The following TRNT1 variants were observed in gnomAD, a reference collection of about 807,000 sequenced individuals.
TRNT1 encodes CCA tRNA nucleotidyltransferase 1, mitochondrial.
Under a neutral mutation model 45.6 loss-of-function variants are expected in TRNT1, and 44 were observed. The observed-to-expected ratio is 0.97, with a 90% CI of 0.76 to 1.24. The LOEUF is 1.24. TRNT1 is among the 50% of genes most tolerant of loss of function. The pLI is 0.00. For synonymous variants in TRNT1, 201 were observed against 171.4 expected (o/e 1.17, Z -1.35); for missense variants, 633 against 504.4 (o/e 1.25, Z -2.44).
At chr3:3,152,686 G>A, downstream of TRNT1, 1 of 1,394,826 alleles carries the variant, frequency 7.2e-7, no homozygotes, top group Non-Finnish European at 1.0e-6. Flanking sequence ...AATGAGGTAT[G>A]AGCTATACAG....
chr3:3,131,842 AC>A (rs1400793655), intron 2 of TRNT1: 1 of 23,470 alleles, frequency 4.3e-5, no homozygotes, highest in African/African-American at 8.5e-5. Flanking sequence ...CAAGAAAAAA[AC>A]AAACAACCCC....
intron 2 of TRNT1, chr3:3,130,379 A>T (rs951150623): frequency 1.2e-5 from 2 of 168,806 alleles, no homozygotes; most frequent in African/African-American, 4.8e-5. Context: ...CTCACCTTGT[A>T]TTAGCTTATT....
downstream of TRNT1, chr3:3,150,656 T>G: frequency 2.0e-6 from 1 of 511,078 alleles, no homozygotes; most frequent in Non-Finnish European, 3.5e-6. Context: ...TTTCTGGTAT[T>G]CTAGACTGCC....
chr3:3,134,915 G>A (rs1042456430), intron 2 of TRNT1, among the ~76,000 whole-genome samples: 2 of 152,020 alleles, frequency 1.3e-5, no homozygotes, highest in Non-Finnish European at 2.9e-5. Context: ...TTCAGGTGAG[G>A]CTTCCTAAAG....
intron 2 of TRNT1, chr3:3,129,807 G>A (rs1575037058): frequency 1.4e-6 from 2 of 1,447,894 alleles, no homozygotes; most frequent in East Asian, 2.5e-5. Flanking sequence ...TTAGGCATGT[G>A]AAGTGCTTTG....
chr3:3,147,897 G>T lies in TRNT1; in HGVS notation c.1057-9G>T. ...GTGACGAAACTAAATGTTTGATTTT[G>T]ACACGTAGTCTAGGGAACCTGATGC... On this transcript the variant is annotated splice_polypyrimidine_tract_variant and intron_variant, in intron 7 of 7. Transcript: ENST00000251607. 2 of 1,601,358 alleles carry T rather than the reference G, an allele frequency of 1.2e-6. No homozygotes were observed. Among genetic ancestry groups the T allele is most frequent in the South Asian group, 2.3e-5 (2 of 88,598 alleles).
At position 3,147,473 on chromosome 3, in the gene TRNT1, G is replaced by C. The variant is rs766270526; in HGVS notation, c.826G>C (p.Glu276Gln). ...AGGTTTACCTGCTAATGCAAGTTTA[G>C]AAGAATTTGACAAAGTCAGTAAAAA... ...YIGLPANASL[E>Q]EFDKVSKNVD... is the part of the protein sequence containing the mutation. Residue 276 changes from glutamate to glutamine, a missense_variant, in exon 7 of 8, where the codon GAA (glutamate) becomes CAA (glutamine). Glu to Gln is a conservative substitution (Grantham distance 29, BLOSUM62 2). Coordinates refer to ENST00000251607, the MANE Select transcript of TRNT1 (RefSeq NM_182916.3). 6.2e-6 allele frequency: 10 copies of C among 1,613,600 alleles called. No individual in the cohort carries two copies. The highest frequency in any genetic ancestry group is 8.5e-6 in the Non-Finnish European group (10 of 1,179,668).
downstream of TRNT1, chr3:3,150,841 T>TA (rs3830315): frequency 6.7e-7 from 1 of 1,491,232 alleles, no homozygotes; most frequent in South Asian, 1.1e-5. Flanking sequence ...ATTTGTTAGA[T>TA]AACTTTATCT....
At chr3:3,142,899 G>A (rs530392566) in intron 4 of TRNT1, among the ~76,000 whole-genome samples, 8 of 152,108 alleles carry the variant, frequency 5.3e-5, no homozygotes, top group African/African-American at 1.9e-4. Context: ...TGGAGCCTTC[G>A]AAATTTGCCA....
chr3:3,133,488 C>G (rs1446444707), intron 2 of TRNT1, among the ~76,000 whole-genome samples: 1 of 151,598 alleles, frequency 6.6e-6, no homozygotes, highest in Non-Finnish European at 1.5e-5. Context: ...AACTTGGGGT[C>G]AGGGCTGCAG....
chr3:3,152,734 A>C, downstream of TRNT1: 1 of 1,001,212 alleles, frequency 1.0e-6, no homozygotes, highest in Non-Finnish European at 1.5e-6. Context: ...CCAGGATCTT[A>C]GTATGAAAAT....
intron 5 of TRNT1, among the ~76,000 whole-genome samples, chr3:3,146,174 A>G (rs1706006533): frequency 6.6e-6 from 1 of 150,818 alleles, no homozygotes; most frequent in Non-Finnish European, 1.5e-5. Flanking sequence ...TGAGGTGGAG[A>G]CCTTGAAGTT....
downstream of TRNT1, chr3:3,150,728 C>A (rs1706471220): frequency 2.3e-6 from 2 of 862,196 alleles, no homozygotes; most frequent in South Asian, 3.4e-5. Flanking sequence ...TTAGAAACTG[C>A]AACCCTCCAA....
chr3:3,146,680 T>A (rs928815637), intron 6 of TRNT1, 57 bp downstream of exon 6: 1 of 1,394,498 alleles, frequency 7.2e-7, no homozygotes, highest in Admixed American at 2.4e-5. Context: ...TGGTTTCAAA[T>A]TTCATAAGGA....
intron 4 of TRNT1, 100 bp downstream of exon 4, chr3:3,140,748 A>G (rs1705598301): frequency 2.8e-6 from 4 of 1,423,832 alleles, no homozygotes; most frequent in East Asian, 2.3e-5. Flanking sequence ...GAGAAGTTGC[A>G]TTAATTTCTT....
intron 2 of TRNT1, chr3:3,130,246 G>A: frequency 5.4e-6 from 2 of 368,574 alleles, no homozygotes; most frequent in South Asian, 3.8e-5. Context: ...ACACATGCTC[G>A]GGTTCTACCT....
intron 3 of TRNT1, among the ~76,000 whole-genome samples, chr3:3,138,512 G>T (rs1427620422): frequency 4.6e-5 from 7 of 152,000 alleles, no homozygotes; most frequent in Non-Finnish European, 1.0e-4. Flanking sequence ...GCACTTAGTG[G>T]GCCCTCATGT....
Position 3,144,554 on chromosome 3 carries a change from G to A in TRNT1, c.482-30G>A, listed in dbSNP as rs199652860. 19 of 1,560,278 alleles carry A rather than the reference G, an allele frequency of 1.2e-5. No individual in the cohort carries two copies. In the African/African-American group the frequency reaches 2.5e-4, roughly 20 times the overall value. ...TTTCAAATTCTTATTTGCCAATAGT[G>A]ATTTTTCTCCCTCCTTTTCTAATGA... is the stretch of plus-strand genomic sequence containing the variant. On this transcript the variant is annotated intron_variant, in intron 4 of 7. Transcript: ENST00000251607.
intron 5 of TRNT1, chr3:3,144,919 TTA>T (rs748780314): frequency 7.1e-5 from 21 of 294,778 alleles, no homozygotes; most frequent in Middle Eastern, 9.8e-4. Context: ...CACATATACT[TTA>T]TGTCATCTTT....
Sources: gnomAD v4.1 joint callset for allele counts (sites outside exome capture counted in the v4.1 genomes callset) on GRCh38, gnomAD v4.1.1 for gene constraint, MANE v1.5 for transcripts, NCBI Gene and HGNC (gene_info 2026-07-23, HGNC 2026-07-21) for gene names.